Variants in LRRC1 observed in about 807,000 individuals in gnomAD.
LRRC1 encodes leucine rich repeat containing 1.
A neutral mutation model predicts 69.9 loss-of-function variants in LRRC1; 28 were observed. The observed-to-expected ratio is 0.40, with a 90% CI of 0.30 to 0.55. The LOEUF (loss-of-function observed/expected upper bound fraction) is 0.55, where lower values mean the gene tolerates loss of function less well. LRRC1 is among the 20% of genes least tolerant of loss of function. The pLI, the probability that LRRC1 is intolerant of heterozygous loss-of-function variation, is 0.47. For synonymous variants in LRRC1, 236 were observed against 240.2 expected (o/e 0.98, Z 0.16); for missense variants, 498 against 609.0 (o/e 0.82, Z 1.92).
intron 1 of LRRC1, among the ~76,000 whole-genome samples, chr6:53,813,089 A>G (rs1225261412): frequency 7.2e-5 from 11 of 152,114 alleles, no homozygotes; most frequent in Admixed American, 7.2e-4. Flanking sequence ...GATGCTGTAC[A>G]GAGAGAGAGA....
intron 2 of LRRC1, among the ~76,000 whole-genome samples, chr6:53,865,729 C>CTT (rs34777776): frequency 0.018 from 2,693 of 147,712 alleles, 95 homozygotes; most frequent in African/African-American, 0.058. Flanking sequence ...CTCAGTCTTT[C>CTT]TTTTTTTTTT....
chr6:53,853,985 A>T (rs940914870), intron 2 of LRRC1, among the ~76,000 whole-genome samples: 9 of 152,208 alleles, frequency 5.9e-5, no homozygotes, highest in Non-Finnish European at 1.3e-4. Flanking sequence ...CACTAACGTG[A>T]TGACATCAGT....
chr6:53,909,542 T>A (rs1432857457), intron 10 of LRRC1, among the ~76,000 whole-genome samples: 1 of 152,156 alleles, frequency 6.6e-6, no homozygotes, highest in Non-Finnish European at 1.5e-5. Flanking sequence ...TTTTTCATTG[T>A]GCTTTCCTGT....
At chr6:53,885,007 A>G (rs1767427505) in intron 4 of LRRC1, among the ~76,000 whole-genome samples, 1 of 152,142 alleles carries the variant, frequency 6.6e-6, no homozygotes, top group Non-Finnish European at 1.5e-5. Flanking sequence ...ACTGATTCTT[A>G]TTAGGTCACT....
Position 53,884,219 on chromosome 6 carries a change from T to C in LRRC1, c.446+1243T>C, listed in dbSNP as rs377262641. On this transcript the variant is annotated intron_variant, in intron 4 of 13. Transcript: ENST00000370888. Reference sequence around the variant, plus strand: ...GTCAGATATTTATAATGTAACAATTTTTGTGCTGGGCATGGTGGCTCACAC... The same window carrying C: ...GTCAGATATTTATAATGTAACAATTCTTGTGCTGGGCATGGTGGCTCACAC... 7.4e-6 allele frequency: 4 copies of C among 540,214 alleles called. No homozygotes were observed. In the African/African-American group the frequency reaches 7.7e-5, roughly 10 times the overall value. The allele number at this position is 540,214 out of a possible 1,614,324, so 33.5% of individuals were successfully genotyped here.
intron 4 of LRRC1, among the ~76,000 whole-genome samples, chr6:53,891,916 C>G (rs1045706871): frequency 6.6e-5 from 10 of 151,486 alleles, no homozygotes; most frequent in African/African-American, 1.9e-4. Context: ...CGCTTGAACC[C>G]AGGAGGCGGA....
chr6:53,811,279 G>A (rs1326923145), intron 1 of LRRC1, among the ~76,000 whole-genome samples: 1 of 152,104 alleles, frequency 6.6e-6, no homozygotes, highest in African/African-American at 2.4e-5. Context: ...AACTCTGTAG[G>A]CTACAGACCA....
rs778546128 is a variant in LRRC1, at chr6:53,922,811, T to C, written c.*18T>C. On this transcript the variant is annotated 3_prime_UTR_variant, in exon 14 of 14. Transcript: ENST00000370888. ...CTGTGTAGAGTTTCACCTCCAAGTT[T>C]TACCTCCTGTGTCTTCCTCTGCTGT... 2.5e-5 allele frequency: 40 copies of C among 1,608,854 alleles called. No homozygotes were observed. The highest frequency in any genetic ancestry group is 1.6e-4 in the Middle Eastern group (1 of 6,076).
chr6:53,882,312 C>A (rs1767318749), intron 3 of LRRC1, among the ~76,000 whole-genome samples: 1 of 152,132 alleles, frequency 6.6e-6, no homozygotes, highest in African/African-American at 2.4e-5. Flanking sequence ...TGCGCCACTG[C>A]CCTCCAGCCT....
At position 53,873,052 on chromosome 6, in the gene LRRC1, T is replaced by G. The variant is rs547456868; in HGVS notation, c.278-5941T>G. Among the ~76,000 whole-genome samples the G allele has an allele frequency of 4.6e-5, 7 of 151,872 alleles. No individual in the cohort carries two copies. The East Asian group carries it at 1.4e-3, about 30-fold the overall frequency. ...GATTGCAAGTGTAAGCCACCATGCC[T>G]GGCCACAATGTTAATTCTTCTAACC... On this transcript the variant is annotated intron_variant, in intron 2 of 13. Transcript: ENST00000370888.
At chr6:53,897,471 A>G (rs1767913940) in intron 7 of LRRC1, 112 bp downstream of exon 7, 3 of 707,446 alleles carry the variant, frequency 4.2e-6, no homozygotes, top group East Asian at 2.9e-5. Flanking sequence ...AAAACCAAAA[A>G]CATTGATTGA....
intron 1 of LRRC1, among the ~76,000 whole-genome samples, chr6:53,815,012 T>G (rs1157394441): frequency 1.3e-5 from 2 of 152,184 alleles, no homozygotes; most frequent in Non-Finnish European, 1.5e-5. Context: ...GGCTGGTCAC[T>G]TGTTGCGGGG....
At chr6:53,919,742 C>T (rs1768682468) in intron 12 of LRRC1, 72 bp downstream of exon 12, 3 of 1,327,962 alleles carry the variant, frequency 2.3e-6, no homozygotes, top group South Asian at 2.8e-5. Context: ...TCCATAAGGC[C>T]TCTTACTCCC....
chr6:53,860,459 A>G (rs1357760958), intron 2 of LRRC1, among the ~76,000 whole-genome samples: 4 of 152,142 alleles, frequency 2.6e-5, no homozygotes, highest in Non-Finnish European at 4.4e-5. Context: ...TCTTTACAGT[A>G]TTTCTTTGAA....
intron 1 of LRRC1, among the ~76,000 whole-genome samples, chr6:53,822,865 A>T (rs1411816587): frequency 6.6e-6 from 1 of 152,212 alleles, no homozygotes; most frequent in Non-Finnish European, 1.5e-5. Context: ...AGATGTAGGC[A>T]TATTCCCATG....
chr6:53,825,447 T>C (rs1173388522), intron 1 of LRRC1, among the ~76,000 whole-genome samples: 1 of 152,256 alleles, frequency 6.6e-6, no homozygotes, highest in Non-Finnish European at 1.5e-5. Flanking sequence ...TCTCGTGTTA[T>C]ACTGCCACTG....
At chr6:53,919,368 C>A in intron 11 of LRRC1, 130 bp from the exon 12 acceptor site, 6 of 725,300 alleles carry the variant, frequency 8.3e-6, no homozygotes, top group Middle Eastern at 3.9e-4. Flanking sequence ...AACATAACAC[C>A]GTTTTTACAT....
intron 1 of LRRC1, among the ~76,000 whole-genome samples, chr6:53,814,932 G>C (rs1485503528): frequency 1.3e-5 from 2 of 152,160 alleles, no homozygotes; most frequent in African/African-American, 4.8e-5. Context: ...CATAATTGTT[G>C]AACAACATGC....
At chr6:53,813,534 T>TG (rs1011745878) in intron 1 of LRRC1, among the ~76,000 whole-genome samples, 24 of 117,324 alleles carry the variant, frequency 2.0e-4, no homozygotes, top group African/African-American at 7.7e-4. Context: ...CCTGGCTCAG[T>TG]GGTTTTTTTT....
Sources: allele counts gnomAD v4.1 joint callset (sites outside exome capture counted in the v4.1 genomes callset), GRCh38; gene constraint gnomAD v4.1.1; transcripts MANE v1.5; gene names NCBI Gene and HGNC (gene_info 2026-07-23, HGNC 2026-07-21).